Variants in TCF12 observed in about 807,000 individuals in gnomAD.
TCF12 encodes transcription factor 12.
TCF12 carries 45 observed loss-of-function variants against 86.0 expected under a neutral mutation model. The observed-to-expected ratio is 0.52, with a 90% CI of 0.41 to 0.67. TCF12 has a LOEUF of 0.67. Ranked by LOEUF, TCF12 falls within the 30% of genes least tolerant of loss-of-function variation. The probability of loss-of-function intolerance (pLI) is 0.00; values close to 1 mark genes in which losing one functional copy is unlikely to be tolerated. For synonymous variants in TCF12, 330 were observed against 299.6 expected (o/e 1.10, Z -1.05); for missense variants, 881 against 859.9 (o/e 1.02, Z -0.31).
chr15:57,024,492 G>T (rs1276220966), intron 3 of TCF12, among the ~76,000 whole-genome samples: 2 of 152,080 alleles, frequency 1.3e-5, no homozygotes. Context: ...GGGATTTCAG[G>T]CATGAGCCAC....
chr15:57,182,135 A>T (rs546069292), intron 6 of TCF12, among the ~76,000 whole-genome samples: 10 of 152,262 alleles, frequency 6.6e-5, no homozygotes, highest in African/African-American at 2.2e-4. Flanking sequence ...TTTGCCGGAG[A>T]TACCTCCAGG....
chr15:57,039,383 C>T (rs2066744593), intron 3 of TCF12, among the ~76,000 whole-genome samples: 1 of 152,156 alleles, frequency 6.6e-6, no homozygotes, highest in African/African-American at 2.4e-5. Flanking sequence ...TCAGTCTTCG[C>T]ATTTTGTTAG....
intron 5 of TCF12, among the ~76,000 whole-genome samples, chr15:57,117,235 A>G (rs2050904668): frequency 6.6e-6 from 1 of 151,978 alleles, no homozygotes; most frequent in South Asian, 2.1e-4. Flanking sequence ...TGGTCAAGAC[A>G]GAGTTTCACT....
intron 16 of TCF12, among the ~76,000 whole-genome samples, chr15:57,253,961 C>T (rs2060231040): frequency 6.6e-6 from 1 of 152,064 alleles, no homozygotes; most frequent in South Asian, 2.1e-4. Flanking sequence ...TTAGATTAAT[C>T]CACAAAGAGA....
intron 5 of TCF12, among the ~76,000 whole-genome samples, chr15:57,155,641 G>C (rs1350907): frequency 0.99 from 151,272 of 152,256 alleles, 75,156 homozygotes; most frequent in Middle Eastern, 1. Context: ...CAAAAATGTT[G>C]TAAAATTAAC....
intron 20 of TCF12, among the ~76,000 whole-genome samples, chr15:57,284,165 AG>A (rs1307665029): frequency 1.3e-5 from 2 of 152,036 alleles, no homozygotes; most frequent in Admixed American, 1.3e-4. Flanking sequence ...TAAACTTTGA[AG>A]TTTTTTTGTT....
chr15:56,979,574 T>A lies in TCF12; in HGVS notation c.148+58476T>A, dbSNP rs149855830. On this transcript the variant is annotated intron_variant, in intron 3 of 20. Transcript: ENST00000333725. ...GTGTTTTTAGGAAGCAGAATGTGTCTGAGAGAAACACGTTGAATGGTCATA... is the reference window on the plus strand; with the variant it reads ...GTGTTTTTAGGAAGCAGAATGTGTCAGAGAGAAACACGTTGAATGGTCATA... Among the ~76,000 whole-genome samples, 403 of 152,294 alleles carry A rather than the reference T, an allele frequency of 2.6e-3. 1 individual carries two copies. The highest frequency in any genetic ancestry group is 4.0e-3 in the Non-Finnish European group (269 of 68,018).
intron 3 of TCF12, among the ~76,000 whole-genome samples, chr15:57,010,559 C>T (rs570884186): frequency 7.9e-5 from 12 of 152,232 alleles, no homozygotes; most frequent in Admixed American, 7.2e-4. Context: ...TTTTTTGACT[C>T]TTAGGTGGTC....
At position 57,288,353 on chromosome 15, in the gene TCF12, T is replaced by G. The variant is rs1295322211; in HGVS notation, c.*2208T>G. ...TTGTTCTCCAGTTTCCATTGTTGGT[T>G]TATTGCAGATTTGTATCCTGTGTCA... On this transcript the variant is annotated 3_prime_UTR_variant, in exon 21 of 21. Coordinates refer to ENST00000333725, the MANE Select transcript of TCF12 (RefSeq NM_207037.2). 1 of 152,620 alleles carries G rather than the reference T, an allele frequency of 6.6e-6. No homozygotes were observed. The highest frequency in any genetic ancestry group is 6.5e-5 in the Admixed American group (1 of 15,278). The allele number at this position is 152,620 out of a possible 1,614,324, so 9.5% of individuals were successfully genotyped here.
intron 3 of TCF12, among the ~76,000 whole-genome samples, chr15:56,928,185 T>C (rs2060098867): frequency 3.9e-5 from 6 of 152,208 alleles, no homozygotes; most frequent in Admixed American, 3.9e-4. Context: ...AGCTATACTT[T>C]TTTCATTTGT....
chr15:57,232,581 T>A, intron 10 of TCF12, 131 bp from the exon 11 acceptor site: 4 of 1,439,082 alleles, frequency 2.8e-6, no homozygotes, highest in South Asian at 1.4e-5. Context: ...TTCTAAAAAA[T>A]AAATGACAAT....
At chr15:57,087,107 C>CTCTG (rs2048697763) in intron 4 of TCF12, among the ~76,000 whole-genome samples, 2 of 149,640 alleles carry the variant, frequency 1.3e-5, no homozygotes, top group African/African-American at 5.0e-5. Flanking sequence ...CTCTCTCTCC[C>CTCTG]TCTCCCTCTC....
chr15:56,996,611 A>G (rs1179495624), intron 3 of TCF12, among the ~76,000 whole-genome samples: 16 of 152,134 alleles, frequency 1.1e-4, no homozygotes, highest in African/African-American at 3.9e-4. Context: ...CCTCAAAAGC[A>G]GTTGGCAACT....
At chr15:57,074,849 A>G (rs954295761) in intron 4 of TCF12, among the ~76,000 whole-genome samples, 5 of 152,356 alleles carry the variant, frequency 3.3e-5, no homozygotes, top group African/African-American at 9.6e-5. Flanking sequence ...TCTGTTTAAA[A>G]GGATATGCAT....
At chr15:57,026,738 G>T (rs1304549253) in intron 3 of TCF12, among the ~76,000 whole-genome samples, 2 of 151,714 alleles carry the variant, frequency 1.3e-5, no homozygotes. Context: ...TGTAAATATT[G>T]TATATATAAC....
chr15:57,162,237 T>TAA (rs36063982), intron 5 of TCF12, among the ~76,000 whole-genome samples: 22 of 147,268 alleles, frequency 1.5e-4, no homozygotes, highest in African/African-American at 4.4e-4. Flanking sequence ...ATATTTATGT[T>TAA]AAAAAAAAAA....
At chr15:57,225,519 A>G (rs1457692278) in intron 8 of TCF12, among the ~76,000 whole-genome samples, 1 of 152,144 alleles carries the variant, frequency 6.6e-6, no homozygotes, top group Non-Finnish European at 1.5e-5. Context: ...TGCTGGGATT[A>G]CAGGCGTGAG....
chr15:56,920,360 C>CAAA (rs1213393507), intron 2 of TCF12, among the ~76,000 whole-genome samples: 1 of 152,042 alleles, frequency 6.6e-6, no homozygotes, highest in African/African-American at 2.4e-5. Flanking sequence ...GTACTCCTCA[C>CAAA]CATTTTCCTC....
intron 5 of TCF12, among the ~76,000 whole-genome samples, chr15:57,125,702 C>A (rs2051594156): frequency 6.6e-6 from 1 of 152,146 alleles, no homozygotes; most frequent in Admixed American, 6.5e-5. Context: ...TCAGTAAATA[C>A]AGAATGTGCT....
Sources: gnomAD v4.1 joint callset for allele counts (sites outside exome capture counted in the v4.1 genomes callset) on GRCh38, gnomAD v4.1.1 for gene constraint, MANE v1.5 for transcripts, NCBI Gene and HGNC (gene_info 2026-07-23, HGNC 2026-07-21) for gene names.